Variants in XIRP1 observed in about 807,000 individuals in gnomAD.
The protein encoded by XIRP1 is xin actin binding repeat containing 1, also known as xin actin-binding repeat-containing protein 1.
For missense variants in XIRP1, 2,378 were observed against 2,345.4 expected, an observed-to-expected ratio of 1.01 and a Z score of -0.29; for synonymous variants, 984 against 947.0, an observed-to-expected ratio of 1.04 and a Z score of -0.72.
In XIRP1 at chr3:39,187,402, A is replaced by T; in HGVS notation, c.2044T>A (p.Tyr682Asn). Residue 682 changes from tyrosine (Y) to asparagine (N), a missense_variant, in exon 2 of 2, where the codon TAC becomes AAC. By Grantham distance (143) the Tyr-to-Asn change is moderately radical. Transcript: ENST00000340369. ...GAAGGGATCTCCACGCGGCTGCAGT[A>T]TCTCACAGGCCGTCTTCCACAGGGA... ...GRPCGRRPVRYCSRVEIPSGQ... is the reference protein window; with the variant it reads ...GRPCGRRPVRNCSRVEIPSGQ... The T allele has an allele frequency of 6.2e-7, 1 of 1,614,178 alleles. No individual in the cohort carries two copies. Among genetic ancestry groups the T allele is most frequent in the Non-Finnish European group, 8.5e-7 (1 of 1,180,040 alleles).
In XIRP1 at chr3:39,184,325, C is replaced by T. The variant is rs34053674; in HGVS notation, c.5121G>A (p.Gln1707=). 2 of 1,614,216 alleles carry T rather than the reference C, an allele frequency of 1.2e-6. No homozygotes were observed. The highest frequency in any genetic ancestry group is 1.7e-4 in the Middle Eastern group (1 of 6,058). Residue 1707 remains glutamine, a synonymous_variant, in exon 2 of 2, where the codon CAG becomes CAA. Coordinates refer to ENST00000340369, the MANE Select transcript of XIRP1 (RefSeq NM_194293.4). ...KSTQLAQDIG[Q]ALLHQKGVQD... ...GGACACCTTTCTGGTGGAGCAGGGCCTGGCCTATGTCCTGAGCCAGTTGTG... is the reference window on the plus strand; with the variant it reads ...GGACACCTTTCTGGTGGAGCAGGGCTTGGCCTATGTCCTGAGCCAGTTGTG...
In XIRP1 at chr3:39,185,830, G is replaced by A. The variant is rs1559748003; in HGVS notation, c.3616C>T (p.Pro1206Ser). The change falls in exon 2 of 2, where the codon CCA becomes TCA. Residue 1206 changes from proline to serine, a missense_variant. Pro to Ser is a moderately conservative substitution (Grantham distance 74). Transcript: ENST00000340369. Reference protein sequence around the residue: ...PGGCTQMAWGPPGKAMAEVCP... With the variant: ...PGGCTQMAWGSPGKAMAEVCP... Reference sequence around the variant, plus strand: ...ACTTCTGCCATCGCCTTCCCTGGTGGCCCCCAGGCCATCTGTGTGCAGCCC... The same window carrying A: ...ACTTCTGCCATCGCCTTCCCTGGTGACCCCCAGGCCATCTGTGTGCAGCCC... 6.2e-7 allele frequency: 1 copy of A among 1,613,666 alleles called. No homozygotes were observed. The highest frequency in any genetic ancestry group is 8.5e-7 in the Non-Finnish European group (1 of 1,179,846).
chr3:39,184,833 T>C lies in XIRP1; in HGVS notation c.4613A>G (p.Gln1538Arg), dbSNP rs1156257114. The C allele has an allele frequency of 1.2e-6, 2 of 1,613,566 alleles. No homozygotes were observed. Among genetic ancestry groups the C allele is most frequent in the African/African-American group, 2.7e-5 (2 of 74,932 alleles). ...ELTRVSTEVA[Q>R]LKEQTLARLL... ...CCTTGCCAAGGTCTGTTCCTTCAGTTGAGCAACTTCCGTGCTGACCCGTGT... is the reference window on the plus strand; with the variant it reads ...CCTTGCCAAGGTCTGTTCCTTCAGTCGAGCAACTTCCGTGCTGACCCGTGT... Residue 1538 changes from glutamine (Q) to arginine (R), a missense_variant, in exon 2 of 2, where the codon CAA becomes CGA. By Grantham distance (43) the Gln-to-Arg change is conservative. Coordinates refer to ENST00000340369, the MANE Select transcript of XIRP1 (RefSeq NM_194293.4).
chr3:39,189,713 C>T (rs770956454), intron 1 of XIRP1, among the ~76,000 whole-genome samples, 188 bp from the exon 2 acceptor site: 7 of 152,196 alleles, frequency 4.6e-5, no homozygotes, highest in African/African-American at 9.7e-5. Context: ...GCTTTCCCTA[C>T]ATCTCATGCG....
rs140099848 is a variant in XIRP1, at chr3:39,189,200, G to C, written c.246C>G (p.Gly82=). 321 of 1,614,180 alleles carry C rather than the reference G, an allele frequency of 2.0e-4. 2 individuals are homozygous for C. The African/African-American group carries it at 3.8e-3, about 19-fold the overall frequency. ...AVAEDLAEVL[G]SEEPTEGDVQ... is the part of the protein sequence containing the mutation. ...CGTCACCCTCGGTGGGTTCCTCAGAGCCCAGGACCTCAGCCAGATCCTCGG... is the reference window on the plus strand; with the variant it reads ...CGTCACCCTCGGTGGGTTCCTCAGACCCCAGGACCTCAGCCAGATCCTCGG... Residue 82 remains glycine, a synonymous_variant, in exon 2 of 2, where the codon GGC becomes GGG. Coordinates refer to ENST00000340369, the MANE Select transcript of XIRP1 (RefSeq NM_194293.4).
Position 39,185,847 on chromosome 3 carries a change from G to T in XIRP1, c.3599C>A (p.Thr1200Lys). 1.2e-6 allele frequency: 2 copies of T among 1,613,680 alleles called. No individual in the cohort carries two copies. Among genetic ancestry groups the T allele is most frequent in the Non-Finnish European group, 1.7e-6 (2 of 1,179,860 alleles). Residue 1200 changes from threonine (T) to lysine (K), a missense_variant, in exon 2 of 2, where the codon ACA becomes AAA. Thr to Lys is a moderately conservative substitution (Grantham distance 78). Coordinates refer to ENST00000340369, the MANE Select transcript of XIRP1 (RefSeq NM_194293.4). ...GPGREEPGGC[T>K]QMAWGPPGKA... ...CCCTGGTGGCCCCCAGGCCATCTGT[G>T]TGCAGCCCCCAGGCTCCTCCCGCCC...
rs763733407 is a variant in XIRP1, at chr3:39,187,855, T to C, written c.1591A>G (p.Ile531Val). The C allele has an allele frequency of 6.2e-7, 1 of 1,614,118 alleles. No individual in the cohort carries two copies. The highest frequency in any genetic ancestry group is 1.1e-5 in the South Asian group (1 of 91,082). ...LDQLGRSPSTIDVVRGITRQE... is the reference protein window; with the variant it reads ...LDQLGRSPSTVDVVRGITRQE... ...CGGGTGATGCCCCGCACCACGTCGATGGTACTGGGGCTTCGGCCGAGCTGG... is the reference window on the plus strand; with the variant it reads ...CGGGTGATGCCCCGCACCACGTCGACGGTACTGGGGCTTCGGCCGAGCTGG... The change falls in exon 2 of 2, where the codon ATC becomes GTC. Residue 531 changes from isoleucine to valine, a missense_variant. Ile to Val is a conservative substitution (Grantham distance 29). Coordinates refer to ENST00000340369, the MANE Select transcript of XIRP1 (RefSeq NM_194293.4).
Position 39,187,241 on chromosome 3 carries a change from A to G in XIRP1, c.2205T>C (p.Cys735=). The G allele has an allele frequency of 6.3e-7, 1 of 1,584,536 alleles. No individual in the cohort carries two copies. The highest frequency in any genetic ancestry group is 2.3e-5 in the East Asian group (1 of 44,376). The change falls in exon 2 of 2, where the codon TGT becomes TGC. Residue 735 remains cysteine, a synonymous_variant. Coordinates refer to ENST00000340369, the MANE Select transcript of XIRP1 (RefSeq NM_194293.4). Reference sequence around the variant, plus strand: ...TCTCAGCTGCCAGGGAGCCCATGGGACAATTCTCAAAAAGCCAAGTGAACT... The same window carrying G: ...TCTCAGCTGCCAGGGAGCCCATGGGGCAATTCTCAAAAAGCCAAGTGAACT... ...VHKFTWLFEN[C]PMGSLAAESI... is the part of the protein sequence containing the mutation.
In XIRP1 at chr3:39,189,085, C is replaced by T. The variant is rs2040045480; in HGVS notation, c.361G>A (p.Gly121Ser). 1 of 1,614,094 alleles carries T rather than the reference C, an allele frequency of 6.2e-7. No individual in the cohort carries two copies. The highest frequency in any genetic ancestry group is 1.7e-5 in the Admixed American group (1 of 60,014). Reference protein sequence around the residue: ...RPAAKEPVLCGDVQATSRKFE... With the variant: ...RPAAKEPVLCSDVQATSRKFE... ...TTGCGGGAGGTGGCCTGGACGTCAC[C>T]ACACAGCACGGGCTCCTTGGCAGCT... Residue 121 changes from glycine to serine, a missense_variant, in exon 2 of 2, where the codon GGT becomes AGT. Physicochemically the swap from Gly to Ser is moderately conservative, Grantham distance 56. Coordinates refer to ENST00000340369, the MANE Select transcript of XIRP1 (RefSeq NM_194293.4).
At position 39,184,779 on chromosome 3, in the gene XIRP1, T is replaced by C. The variant is rs1168013798; in HGVS notation, c.4667A>G (p.Lys1556Arg). Residue 1556 changes from lysine to arginine, a missense_variant, in exon 2 of 2, where the codon AAG becomes AGG. By Grantham distance (26) the Lys-to-Arg change is conservative. Transcript: ENST00000340369. ...GAGGCTAGACATGGAGCTGAGTGCC[T>C]TGTGCACAGCCTCTTCAATGTCCAG... ...RLLDIEEAVH[K>R]ALSSMSSLQP... 2 of 1,614,102 alleles carry C rather than the reference T, an allele frequency of 1.2e-6. No individual in the cohort carries two copies. Among genetic ancestry groups the C allele is most frequent in the Admixed American group, 3.3e-5 (2 of 60,016 alleles).
Position 39,188,752 on chromosome 3 carries a change from C to A in XIRP1, c.694G>T (p.Val232Leu). The A allele has an allele frequency of 1.9e-6, 3 of 1,613,768 alleles. No homozygotes were observed. The highest frequency in any genetic ancestry group is 3.3e-4 in the Middle Eastern group (2 of 6,062). Residue 232 changes from valine (V) to leucine (L), a missense_variant, in exon 2 of 2, where the codon GTG becomes TTG. Val to Leu is a conservative substitution (Grantham distance 32, BLOSUM62 1). Coordinates refer to ENST00000340369, the MANE Select transcript of XIRP1 (RefSeq NM_194293.4). ...QELKGDVKKT[V>L]KLFQTEPLCA... is the part of the protein sequence containing the mutation. ...AGGGGCTCCGTTTGGAAGAGCTTCACTGTCTTTTTCACATCACCCTTCAGC... is the reference window on the plus strand; with the variant it reads ...AGGGGCTCCGTTTGGAAGAGCTTCAATGTCTTTTTCACATCACCCTTCAGC...
At chr3:39,191,629 A>G (rs572921599) in intron 1 of XIRP1, among the ~76,000 whole-genome samples, 1 of 152,298 alleles carries the variant, frequency 6.6e-6, no homozygotes, top group East Asian at 1.9e-4. Flanking sequence ...ACAAGTGTAG[A>G]GTCAGGACAG....
Position 39,189,632 on chromosome 3 carries a change from G to T in XIRP1, c.-80-107C>A, listed in dbSNP as rs371931685. ...ATGTGCCTGGCCTGGGCTTCACTTC[G>T]CTGCCTGCATGGTTCGTGGGCAACA... is the stretch of plus-strand genomic sequence containing the variant. On this transcript the variant is annotated intron_variant, in intron 1 of 1. Transcript: ENST00000340369. The T allele has an allele frequency of 5.9e-6, 5 of 852,598 alleles. No homozygotes were observed. In the East Asian group the frequency reaches 1.1e-4, roughly 19 times the overall value. The allele number at this position is 852,598 out of a possible 1,614,324, so 52.8% of individuals were successfully genotyped here.
Position 39,188,483 on chromosome 3 carries a change from C to T in XIRP1, c.963G>A (p.Glu321=), listed in dbSNP as rs772227798. 2.5e-6 allele frequency: 4 copies of T among 1,602,356 alleles called. No homozygotes were observed. The highest frequency in any genetic ancestry group is 3.4e-6 in the Non-Finnish European group (4 of 1,171,710). The change falls in exon 2 of 2, where the codon GAG becomes GAA. Residue 321 remains glutamate (E), a synonymous_variant. Coordinates refer to ENST00000340369, the MANE Select transcript of XIRP1 (RefSeq NM_194293.4). ...FETQPLDAIR[E]ILVDEKDFQP... ...GGAAGTCCTTCTCATCTACCAAGAT[C>T]TCCCGGATGGCATCCAGGGGCTGTG... is the stretch of plus-strand genomic sequence containing the variant.
In XIRP1 at chr3:39,187,286, G is replaced by A; in HGVS notation, c.2160C>T (p.Ile720=). 1.3e-6 allele frequency: 2 copies of A among 1,588,550 alleles called. No individual in the cohort carries two copies. Among genetic ancestry groups the A allele is most frequent in the South Asian group, 1.1e-5 (1 of 87,772 alleles). ...TGAACTTGTGGACAGAACCCGCGGG[G>A]ATGGACCCAGCGATTACCCGGGGCT... ...EQEPRVIAGS[I]PAGSVHKFTW... The change falls in exon 2 of 2, where the codon ATC becomes ATT. Residue 720 remains isoleucine (I), a synonymous_variant. Coordinates refer to ENST00000340369, the MANE Select transcript of XIRP1 (RefSeq NM_194293.4).
Position 39,188,800 on chromosome 3 carries a change from C to T in XIRP1, c.646G>A (p.Glu216Lys), listed in dbSNP as rs1244181961. ...RPSLQEQSPL[E>K]LRSEIQELKG... is the part of the protein sequence containing the mutation. ...AGCTCCTGGATCTCTGAGCGCAGTT[C>T]CAAGGGGCTCTGCTCCTGCAGGGAG... is the stretch of plus-strand genomic sequence containing the variant. Residue 216 changes from glutamate to lysine, a missense_variant, in exon 2 of 2, where the codon GAA (glutamate) becomes AAA (lysine). Transcript: ENST00000340369. 2 of 1,613,554 alleles carry T rather than the reference C, an allele frequency of 1.2e-6. No homozygotes were observed. The highest frequency in any genetic ancestry group is 1.7e-6 in the Non-Finnish European group (2 of 1,180,056).
chr3:39,190,961 G>A (rs567130874), intron 1 of XIRP1, among the ~76,000 whole-genome samples: 2 of 152,284 alleles, frequency 1.3e-5, no homozygotes, highest in South Asian at 2.1e-4. Context: ...CCTGCCTCCT[G>A]GGCTGGTGTC....
At position 39,189,063 on chromosome 3, in the gene XIRP1, C is replaced by T. The variant is rs768016120; in HGVS notation, c.383G>A (p.Arg128His). Residue 128 changes from arginine to histidine, a missense_variant, in exon 2 of 2, where the codon CGC (arginine) becomes CAC (histidine). Arg to His is a conservative substitution (Grantham distance 29). Transcript: ENST00000340369. ...GGCAAAGGAGCCTTCCTCAAACTTG[C>T]GGGAGGTGGCCTGGACGTCACCACA... The part of the protein sequence containing the change: ...VLCGDVQATS[R>H]KFEEGSFANS... The T allele has an allele frequency of 9.9e-6, 16 of 1,614,034 alleles. No homozygotes were observed. The highest frequency in any genetic ancestry group is 3.3e-5 in the South Asian group (3 of 91,090).
At position 39,187,133 on chromosome 3, in the gene XIRP1, A is replaced by T; in HGVS notation, c.2313T>A (p.Ala771=). The change falls in exon 2 of 2, where the codon GCT becomes GCA. Residue 771 remains alanine (A), a synonymous_variant. Transcript: ENST00000340369. ...CATGCAGAGTCCGCAGGGTCCCCTCAGCTGCAGTCTCCTGGCTCTCTTGCA... is the reference window on the plus strand; with the variant it reads ...CATGCAGAGTCCGCAGGGTCCCCTCTGCTGCAGTCTCCTGGCTCTCTTGCA... ...NRMQESQETA[A]EGTLRTLHAT... 6.2e-7 allele frequency: 1 copy of T among 1,612,432 alleles called. No homozygotes were observed. The highest frequency in any genetic ancestry group is 1.7e-4 in the Middle Eastern group (1 of 6,058).
Sources: allele counts gnomAD v4.1 joint callset (sites outside exome capture counted in the v4.1 genomes callset), GRCh38; gene constraint gnomAD v4.1.1; transcripts MANE v1.5; gene names NCBI Gene and HGNC (gene_info 2026-07-23, HGNC 2026-07-21).